Variants in TMOD3 observed in about 807,000 individuals in gnomAD.
TMOD3 encodes tropomodulin-3.
A neutral mutation model predicts 39.2 loss-of-function variants in TMOD3; 20 were observed. The ratio of observed to expected loss-of-function variants is 0.51; its 90% confidence interval spans 0.36 to 0.74. TMOD3 has a LOEUF of 0.74. TMOD3 is among the 30% of genes least tolerant of loss of function. The pLI is 0.00. For synonymous variants in TMOD3, 143 were observed against 145.8 expected (o/e 0.98, Z 0.14); for missense variants, 381 against 412.8 (o/e 0.92, Z 0.67).
intron 7 of TMOD3, among the ~76,000 whole-genome samples, chr15:51,897,365 C>G (rs200683672): frequency 6.6e-6 from 1 of 151,720 alleles, no homozygotes; most frequent in East Asian, 1.9e-4. Context: ...TAATGGACAT[C>G]TTACATGTAA....
intron 7 of TMOD3, chr15:51,899,054 A>G (rs1390171983): frequency 6.6e-6 from 1 of 152,220 alleles, no homozygotes; most frequent in Non-Finnish European, 1.5e-5. Context: ...CCTTCTTCTC[A>G]ATGGCCTTTG....
At position 51,900,310 on chromosome 15, in the gene TMOD3, A is replaced by G; in HGVS notation, c.879+12A>G. 6.2e-7 allele frequency: 1 copy of G among 1,613,738 alleles called. No individual in the cohort carries two copies. The highest frequency in any genetic ancestry group is 1.1e-5 in the South Asian group (1 of 90,960). On this transcript the variant is annotated intron_variant, in intron 8 of 9. Transcript: ENST00000308580. ...AGATTGACAATCAGGTCAATGTTCT[A>G]CAATAATAACGTCGAGGAAGCTACA...
chr15:51,906,847 G>A (rs1198573225), intron 9 of TMOD3, among the ~76,000 whole-genome samples: 2 of 151,866 alleles, frequency 1.3e-5, no homozygotes, highest in South Asian at 2.1e-4. Flanking sequence ...GAGAAACCCC[G>A]TCTCTACTTT....
intron 7 of TMOD3, among the ~76,000 whole-genome samples, chr15:51,899,367 T>C (rs1285337090): frequency 2.0e-5 from 3 of 152,032 alleles, no homozygotes; most frequent in Admixed American, 6.6e-5. Context: ...ACTGGGTACA[T>C]ATGAAAAATA....
At chr15:51,900,651 T>G (rs1463572799) in intron 8 of TMOD3, among the ~76,000 whole-genome samples, 1 of 152,204 alleles carries the variant, frequency 6.6e-6, no homozygotes, top group Non-Finnish European at 1.5e-5. Context: ...GAGATACATG[T>G]TAGAAATGTT....
intron 2 of TMOD3, among the ~76,000 whole-genome samples, chr15:51,864,569 G>A (rs924373817): frequency 6.6e-6 from 1 of 152,152 alleles, no homozygotes; most frequent in Non-Finnish European, 1.5e-5. Context: ...GCCACACAGA[G>A]GCACAGGGGG....
At chr15:51,899,642 G>T (rs1392926280) in intron 7 of TMOD3, among the ~76,000 whole-genome samples, 4 of 151,774 alleles carry the variant, frequency 2.6e-5, no homozygotes, top group African/African-American at 9.7e-5. Context: ...CTCCAGCCTG[G>T]GTGACAGGGC....
At position 51,893,855 on chromosome 15, in the gene TMOD3, G is replaced by A. The variant is rs781264044; in HGVS notation, c.537G>A (p.Glu179=). Residue 179 remains glutamate (E), a synonymous_variant, in exon 6 of 10, where the codon GAG becomes GAA. Coordinates refer to ENST00000308580, the MANE Select transcript of TMOD3 (RefSeq NM_014547.5). ...AAAAGATTCTTCCGGTATTTGATGA[G>A]CCACCAAATCCAACCAATGTAGAAG... ...KGEKILPVFD[E]PPNPTNVEES... 12 of 1,608,878 alleles carry A rather than the reference G, an allele frequency of 7.5e-6. No individual in the cohort carries two copies. The East Asian group carries it at 2.5e-4, about 33-fold the overall frequency.
intron 3 of TMOD3, among the ~76,000 whole-genome samples, chr15:51,881,265 A>G (rs1379766100): frequency 2.6e-5 from 4 of 151,912 alleles, no homozygotes; most frequent in African/African-American, 9.7e-5. Context: ...TGTCTCTTCA[A>G]ATCTTCGCTT....
At chr15:51,877,752 T>C (rs2056512278) in intron 3 of TMOD3, among the ~76,000 whole-genome samples, 1 of 151,912 alleles carries the variant, frequency 6.6e-6, no homozygotes, top group Admixed American at 6.6e-5. Flanking sequence ...ATTTCCCCAA[T>C]ACTGAGGCAA....
intron 2 of TMOD3, among the ~76,000 whole-genome samples, chr15:51,865,961 A>G (rs1316413875): frequency 6.6e-6 from 1 of 152,028 alleles, no homozygotes; most frequent in Non-Finnish European, 1.5e-5. Context: ...TTTCCCCCCC[A>G]AGGCTAGGAA....
chr15:51,905,626 A>G (rs1004557345), intron 9 of TMOD3, among the ~76,000 whole-genome samples: 3 of 152,250 alleles, frequency 2.0e-5, no homozygotes, highest in Non-Finnish European at 4.4e-5. Flanking sequence ...CGAATACATG[A>G]TTAAGATACT....
chr15:51,883,052 A>G (rs1332663817), intron 3 of TMOD3, among the ~76,000 whole-genome samples: 3 of 152,318 alleles, frequency 2.0e-5, no homozygotes, highest in Non-Finnish European at 2.9e-5. Context: ...GAAAATATGA[A>G]GTAATTACTT....
chr15:51,890,979 TG>T (rs1480058742), intron 5 of TMOD3, among the ~76,000 whole-genome samples: 1 of 152,244 alleles, frequency 6.6e-6, no homozygotes. Flanking sequence ...CCTGTTCATT[TG>T]TATTACATAC....
chr15:51,854,562 C>T (rs1261648536), intron 1 of TMOD3, among the ~76,000 whole-genome samples: 5 of 152,016 alleles, frequency 3.3e-5, no homozygotes, highest in Admixed American at 1.3e-4. Context: ...TAGTCAGTGT[C>T]GATACCTTAC....
intron 1 of TMOD3, among the ~76,000 whole-genome samples, chr15:51,836,119 C>G (rs1039280632): frequency 2.0e-5 from 3 of 152,308 alleles, no homozygotes; most frequent in African/African-American, 7.2e-5. Context: ...CCCCCTTTCT[C>G]TAACATATAA....
rs1257370860 is a variant in TMOD3 at position 51,913,420 on chromosome 15, G to C, written c.*4610G>C. 2.0e-5 allele frequency: 3 copies of C among 152,180 alleles called. No homozygotes were observed. The highest frequency in any genetic ancestry group is 4.1e-4 in the South Asian group (2 of 4,826). The allele number at this position is 152,180 out of a possible 1,614,324, so 9.4% of individuals were successfully genotyped here. A position where few individuals can be genotyped will look rare whatever the true frequency, so the allele number is the denominator to read the frequency against. On this transcript the variant is annotated 3_prime_UTR_variant, in exon 10 of 10. Coordinates refer to ENST00000308580, the MANE Select transcript of TMOD3 (RefSeq NM_014547.5). The stretch of plus-strand genomic sequence containing the variant: ...TTTTCAGATTAGGGATGCTGAACTG[G>C]TGTAATGCCCAGTATTCCAAAATCC...
intron 7 of TMOD3, chr15:51,898,911 C>A (rs866712172): frequency 4.6e-5 from 7 of 151,930 alleles, no homozygotes; most frequent in South Asian, 2.1e-4. Context: ...TTGTAGGCTT[C>A]TGTTAATTAA....
In TMOD3 at chr15:51,910,469, A is replaced by G. The variant is rs2554347; in HGVS notation, c.*1659A>G. The G allele has an allele frequency of 0.97, 148,415 of 152,420 alleles. 72,296 individuals are homozygous for G. The highest frequency in any genetic ancestry group is 1 in the East Asian group (5,177 of 5,180). 9.4% of individuals were successfully genotyped at this position (152,420 alleles called of 1,614,324 possible). A position where few individuals can be genotyped will look rare whatever the true frequency, so the allele number is the denominator to read the frequency against. ...TGCACACCTGTAATCCCAGCTACTC[A>G]GGAGGCTGAGGCAGGAGAATTGCTT... On this transcript the variant is annotated 3_prime_UTR_variant, in exon 10 of 10. Coordinates refer to ENST00000308580, the MANE Select transcript of TMOD3 (RefSeq NM_014547.5).
Sources: allele counts gnomAD v4.1 joint callset (sites outside exome capture counted in the v4.1 genomes callset), GRCh38; gene constraint gnomAD v4.1.1; transcripts MANE v1.5; gene names NCBI Gene and HGNC (gene_info 2026-07-23, HGNC 2026-07-21).